Variants in EHBP1 observed in about 807,000 individuals in gnomAD.
EHBP1 encodes the protein EH domain-binding protein 1.
A neutral mutation model predicts 144.0 loss-of-function variants in EHBP1; 55 were observed. The ratio of observed to expected loss-of-function variants is 0.38; its 90% CI spans 0.31 to 0.48. The LOEUF (loss-of-function observed/expected upper bound fraction) is 0.48. EHBP1 is among the 20% of genes least tolerant of loss of function. The pLI is 0.98. For synonymous variants in EHBP1, 469 were observed against 472.7 expected, an observed-to-expected ratio of 0.99 and a Z score of 0.10; for missense variants, 1,200 against 1,364.2, an observed-to-expected ratio of 0.88 and a Z score of 1.90.
At chr2:62,768,865 C>T (rs1467282401) in intron 4 of EHBP1, among the ~76,000 whole-genome samples, 1 of 152,106 alleles carries the variant, frequency 6.6e-6, no homozygotes, top group Non-Finnish European at 1.5e-5. Flanking sequence ...TCAACATATG[C>T]AAGTCAATAA....
chr2:62,927,554 T>G (rs928439388), intron 10 of EHBP1, among the ~76,000 whole-genome samples: 3 of 152,090 alleles, frequency 2.0e-5, no homozygotes, highest in Non-Finnish European at 4.4e-5. Flanking sequence ...TTTCAATACA[T>G]CAAGAAGATA....
chr2:62,726,918 A>G (rs2151974713), intron 2 of EHBP1, among the ~76,000 whole-genome samples: 1 of 151,634 alleles, frequency 6.6e-6, no homozygotes, highest in African/African-American at 2.4e-5. Context: ...GCTGGAGTGC[A>G]GTGGTGCGAT....
chr2:62,874,794 G>C (rs2050751196), intron 10 of EHBP1, among the ~76,000 whole-genome samples: 1 of 152,130 alleles, frequency 6.6e-6, no homozygotes. Context: ...ATAATTGTAA[G>C]ATTGGTGCTT....
At chr2:62,887,537 A>C (rs577086610) in intron 10 of EHBP1, among the ~76,000 whole-genome samples, 1 of 150,684 alleles carries the variant, frequency 6.6e-6, no homozygotes, top group East Asian at 1.9e-4. Context: ...CAGGAGTTCA[A>C]GACCAGCCTG....
At chr2:62,699,987 G>A (rs962166127) in intron 1 of EHBP1, among the ~76,000 whole-genome samples, 1 of 152,194 alleles carries the variant, frequency 6.6e-6, no homozygotes, top group African/African-American at 2.4e-5. Context: ...CCTAGAATTA[G>A]TGCAATCTTA....
chr2:62,776,872 A>C lies in EHBP1; in HGVS notation c.312+5480A>C, dbSNP rs545902771. The stretch of plus-strand genomic sequence containing the variant: ...TTTTTTAAAAATATGAAGCCACAAC[A>C]GTTATATTTAGGAAACAAAATTTTT... On this transcript the variant is annotated intron_variant, in intron 5 of 22. Coordinates refer to ENST00000431489, the MANE Select transcript of EHBP1 (RefSeq NM_001142616.3). Among the ~76,000 whole-genome samples, 17 of 152,314 alleles carry C rather than the reference A, an allele frequency of 1.1e-4. No individual in the cohort carries two copies. In the South Asian group the frequency reaches 3.5e-3, roughly 32 times the overall value.
At chr2:62,680,640 C>T (rs1345824944) in intron 1 of EHBP1, among the ~76,000 whole-genome samples, 5 of 140,130 alleles carry the variant, frequency 3.6e-5, no homozygotes, top group Non-Finnish European at 6.2e-5. Flanking sequence ...GATCACTGGA[C>T]TCTAATAGTC....
At chr2:62,910,487 T>C (rs2054132381) in intron 10 of EHBP1, among the ~76,000 whole-genome samples, 1 of 152,190 alleles carries the variant, frequency 6.6e-6, no homozygotes, top group Non-Finnish European at 1.5e-5. Flanking sequence ...TACTGAGTTC[T>C]TCCTTTCTGG....
intron 5 of EHBP1, among the ~76,000 whole-genome samples, chr2:62,797,258 G>T (rs866216274): frequency 6.6e-6 from 1 of 152,174 alleles, no homozygotes; most frequent in African/African-American, 2.4e-5. Context: ...GGTAGTTGTT[G>T]CTTGTATTAT....
chr2:62,899,099 A>G (rs1305449836), intron 10 of EHBP1, among the ~76,000 whole-genome samples: 3 of 152,224 alleles, frequency 2.0e-5, no homozygotes, highest in Non-Finnish European at 2.9e-5. Flanking sequence ...ACTTTCAAAA[A>G]TACCTCAGCT....
At chr2:62,875,983 A>G (rs2050861561) in intron 10 of EHBP1, among the ~76,000 whole-genome samples, 1 of 152,210 alleles carries the variant, frequency 6.6e-6, no homozygotes, top group South Asian at 2.1e-4. Flanking sequence ...ATGAGATTAT[A>G]TAAAGAAACC....
intron 10 of EHBP1, chr2:62,881,543 C>G (rs1427316281): frequency 6.6e-6 from 1 of 150,910 alleles, no homozygotes; most frequent in Non-Finnish European, 1.5e-5. Context: ...CAGCTTTATA[C>G]AAATATAAAG....
At position 62,948,581 on chromosome 2, in the gene EHBP1, G is replaced by A. The variant is rs771801451; in HGVS notation, c.1735G>A (p.Val579Ile). ...AVDFLSQDDS[V>I]FVNDSGVGES... Reference sequence around the variant, plus strand: ...AGACTTCTTATCACAGGATGACTCTGTATTTGTAAATGATAGCGGGGTTGG... The same window carrying A: ...AGACTTCTTATCACAGGATGACTCTATATTTGTAAATGATAGCGGGGTTGG... The change falls in exon 13 of 23, where the codon GTA (valine) becomes ATA (isoleucine). Residue 579 changes from valine to isoleucine, a missense_variant. Coordinates refer to ENST00000431489, the MANE Select transcript of EHBP1 (RefSeq NM_001142616.3). The A allele has an allele frequency of 1.2e-6, 2 of 1,614,086 alleles. No individual in the cohort carries two copies. The highest frequency in any genetic ancestry group is 2.2e-5 in the South Asian group (2 of 91,082).
At chr2:62,905,198 A>G (rs930723784) in intron 10 of EHBP1, among the ~76,000 whole-genome samples, 1 of 152,208 alleles carries the variant, frequency 6.6e-6, no homozygotes, top group Admixed American at 6.5e-5. Flanking sequence ...TGGGGGTCAT[A>G]GAAAGCCTGT....
At chr2:62,935,955 T>C (rs532724064) in intron 10 of EHBP1, among the ~76,000 whole-genome samples, 6 of 152,200 alleles carry the variant, frequency 3.9e-5, no homozygotes, top group South Asian at 2.1e-4. Flanking sequence ...ATAGATATGC[T>C]AACATTAAGC....
Position 62,728,042 on chromosome 2 carries a change from T to G in EHBP1, c.105-19353T>G, listed in dbSNP as rs560699466. On this transcript the variant is annotated intron_variant, in intron 2 of 22. Transcript: ENST00000431489. Reference sequence around the variant, plus strand: ...GGGTATGAGGGTCAGCATATCTGGTTGTGATATTTATCTTAAATATTGGAC... The same window carrying G: ...GGGTATGAGGGTCAGCATATCTGGTGGTGATATTTATCTTAAATATTGGAC... 1.2e-4 allele frequency among the ~76,000 whole-genome samples: 18 copies of G among 152,304 alleles called. 1 individual carries two copies. In the South Asian group the frequency reaches 3.5e-3, roughly 30 times the overall value.
intron 18 of EHBP1, among the ~76,000 whole-genome samples, chr2:62,994,990 T>G (rs2059572249): frequency 6.6e-6 from 1 of 152,190 alleles, no homozygotes; most frequent in African/African-American, 2.4e-5. Context: ...TGTGTGTTGC[T>G]TATCACTTCT....
At chr2:62,961,471 G>T (rs1558987486) in intron 14 of EHBP1, among the ~76,000 whole-genome samples, 1 of 152,054 alleles carries the variant, frequency 6.6e-6, no homozygotes, top group African/African-American at 2.4e-5. Flanking sequence ...GTTCTATGAA[G>T]ATTTTCAAAG....
chr2:62,795,564 C>T (rs2043479235), intron 5 of EHBP1, among the ~76,000 whole-genome samples: 1 of 151,942 alleles, frequency 6.6e-6, no homozygotes, highest in Admixed American at 6.6e-5. Flanking sequence ...TTCACACTAC[C>T]TCTAAAACTG....
Sources: allele counts gnomAD v4.1 joint callset (sites outside exome capture counted in the v4.1 genomes callset), GRCh38; gene constraint gnomAD v4.1.1; transcripts MANE v1.5; gene names NCBI Gene and HGNC (gene_info 2026-07-23, HGNC 2026-07-21).